Variants in FBXL7 observed in about 807,000 individuals in gnomAD.
FBXL7 encodes F-box/LRR-repeat protein 7.
Under a neutral mutation model 38.3 loss-of-function variants are expected in FBXL7, and 12 were observed. That is an observed-to-expected ratio of 0.31 (90% confidence interval 0.20 to 0.51). FBXL7 has a LOEUF of 0.51. Among genes scored for constraint, FBXL7 ranks in the 20% least tolerant of loss-of-function variants. FBXL7 has a pLI of 0.98. For missense variants in FBXL7, 567 were observed against 676.4 expected, an observed-to-expected ratio of 0.84 and a Z score of 1.79; for synonymous variants, 297 against 300.9, an observed-to-expected ratio of 0.99 and a Z score of 0.13.
chr5:15,916,514 G>C (rs1282525513), intron 2 of FBXL7, among the ~76,000 whole-genome samples: 1 of 152,200 alleles, frequency 6.6e-6, no homozygotes, highest in Admixed American at 6.5e-5. Context: ...GGGAACATCA[G>C]TGTATAAGTT....
At chr5:15,704,471 C>T (rs1743622076) in intron 2 of FBXL7, among the ~76,000 whole-genome samples, 3 of 152,126 alleles carry the variant, frequency 2.0e-5, no homozygotes, top group Admixed American at 2.0e-4. Flanking sequence ...TCAGGTAGAA[C>T]TTTACCATTC....
intron 1 of FBXL7, among the ~76,000 whole-genome samples, chr5:15,584,271 A>G (rs1291331745): frequency 6.6e-6 from 1 of 152,184 alleles, no homozygotes; most frequent in African/African-American, 2.4e-5. Flanking sequence ...TGGGAGGTTA[A>G]TATTTGACTC....
At position 15,614,887 on chromosome 5, in the gene FBXL7, C is replaced by T. The variant is rs560257216; in HGVS notation, c.38-1096C>T. On this transcript the variant is annotated intron_variant, in intron 1 of 3. Coordinates refer to ENST00000504595, the MANE Select transcript of FBXL7 (RefSeq NM_012304.5). The stretch of plus-strand genomic sequence containing the variant: ...TCCAGGCCCTCTTTTAAAGTACTCA[C>T]CTAATTAGGTCAGGCCCACCCAGAA... Among the ~76,000 whole-genome samples the T allele has an allele frequency of 2.2e-3, 340 of 152,288 alleles. 1 individual carries two copies. The highest frequency in any genetic ancestry group is 7.7e-3 in the African/African-American group (321 of 41,572).
chr5:15,607,308 T>G (rs1740058370), intron 1 of FBXL7: 1 of 152,216 alleles, frequency 6.6e-6, no homozygotes, highest in Non-Finnish European at 1.5e-5. Context: ...GTTAGAAGTC[T>G]GCAGCTGTAA....
At chr5:15,536,489 G>A (rs1480405411) in intron 1 of FBXL7, among the ~76,000 whole-genome samples, 3 of 152,218 alleles carry the variant, frequency 2.0e-5, no homozygotes, top group Admixed American at 6.5e-5. Flanking sequence ...GTGTGCCCTG[G>A]ATGTGAGACA....
chr5:15,657,179 G>T (rs1040509175), intron 2 of FBXL7, among the ~76,000 whole-genome samples: 1 of 152,128 alleles, frequency 6.6e-6, no homozygotes, highest in Non-Finnish European at 1.5e-5. Flanking sequence ...ATTTAATGCA[G>T]TTCCAATCAG....
At chr5:15,738,127 G>C (rs1383634169) in intron 2 of FBXL7, among the ~76,000 whole-genome samples, 1 of 152,122 alleles carries the variant, frequency 6.6e-6, no homozygotes, top group African/African-American at 2.4e-5. Context: ...GGCATAGTAT[G>C]ATAATTAACA....
At chr5:15,847,881 CAG>C (rs1430482907) in intron 2 of FBXL7, among the ~76,000 whole-genome samples, 2 of 152,104 alleles carry the variant, frequency 1.3e-5, no homozygotes, top group African/African-American at 2.4e-5. Context: ...AGCAAGAAAA[CAG>C]GGGCTATAGT....
intron 2 of FBXL7, among the ~76,000 whole-genome samples, chr5:15,882,023 A>G (rs1263548892): frequency 6.6e-6 from 1 of 152,114 alleles, no homozygotes; most frequent in Non-Finnish European, 1.5e-5. Flanking sequence ...GAGCAAGAGG[A>G]GGAGTGTTGG....
At chr5:15,799,759 C>T (rs1222866954) in intron 2 of FBXL7, among the ~76,000 whole-genome samples, 1 of 152,130 alleles carries the variant, frequency 6.6e-6, no homozygotes, top group East Asian at 1.9e-4. Flanking sequence ...CAGAGCACTA[C>T]ACGGATTAGC....
At position 15,936,859 on chromosome 5, in the gene FBXL7, G is replaced by A. The variant is rs780770958; in HGVS notation, c.1149G>A (p.Ala383=). Residue 383 remains alanine (A), a synonymous_variant, in exon 4 of 4, where the codon GCG becomes GCA. Coordinates refer to ENST00000504595, the MANE Select transcript of FBXL7 (RefSeq NM_012304.5). The surrounding 1 kb of genome is among the most constrained non-coding windows in gnomAD (Gnocchi z 6.0). Reference sequence around the variant, plus strand: ...GCAGCAAGCTGCGCTACCTCAACGCGAGGGGCTGCGAGGGCATCACGGACC... The same window carrying A: ...GCAGCAAGCTGCGCTACCTCAACGCAAGGGGCTGCGAGGGCATCACGGACC... ...KYCSKLRYLN[A]RGCEGITDHG... is the part of the protein sequence containing the mutation. 1 of 1,613,902 alleles carries A rather than the reference G, an allele frequency of 6.2e-7. No individual in the cohort carries two copies.
chr5:15,580,029 A>G (rs990973052), intron 1 of FBXL7, among the ~76,000 whole-genome samples: 6 of 152,038 alleles, frequency 3.9e-5, no homozygotes, highest in African/African-American at 7.3e-5. Context: ...TGTCCCCCCA[A>G]TTCATGTGTT....
chr5:15,743,755 C>T (rs1735948415), intron 2 of FBXL7, among the ~76,000 whole-genome samples: 1 of 152,252 alleles, frequency 6.6e-6, no homozygotes, highest in Non-Finnish European at 1.5e-5. Context: ...AGGGACCCAC[C>T]TCTGCAGCAG....
chr5:15,812,535 CT>C (rs1737894360), intron 2 of FBXL7, among the ~76,000 whole-genome samples: 1 of 151,960 alleles, frequency 6.6e-6, no homozygotes, highest in South Asian at 2.1e-4. Context: ...TTACTGTAGC[CT>C]TGTAGTATAG....
intron 2 of FBXL7, among the ~76,000 whole-genome samples, chr5:15,779,038 T>C (rs530833505): frequency 2.6e-5 from 4 of 152,230 alleles, no homozygotes; most frequent in Admixed American, 1.3e-4. Flanking sequence ...CTGATAATTG[T>C]CATTACAGTA....
At chr5:15,830,052 CT>C (rs1223152585) in intron 2 of FBXL7, among the ~76,000 whole-genome samples, 1 of 152,156 alleles carries the variant, frequency 6.6e-6, no homozygotes, top group Non-Finnish European at 1.5e-5. Context: ...AGATCTCCCC[CT>C]GTTTCAAACT....
chr5:15,871,231 A>G (rs1739944456), intron 2 of FBXL7, among the ~76,000 whole-genome samples: 1 of 152,346 alleles, frequency 6.6e-6, no homozygotes, highest in East Asian at 1.9e-4. Flanking sequence ...AGGAAAACTA[A>G]CAAACAAAAA....
intron 1 of FBXL7, among the ~76,000 whole-genome samples, chr5:15,552,963 TC>T (rs1231733183): frequency 6.6e-6 from 1 of 151,834 alleles, no homozygotes; most frequent in Admixed American, 6.6e-5. Flanking sequence ...GCACCTATAG[TC>T]CCAGCTACTC....
intron 1 of FBXL7, among the ~76,000 whole-genome samples, chr5:15,572,518 A>G (rs1738825977): frequency 6.6e-6 from 1 of 152,078 alleles, no homozygotes; most frequent in South Asian, 2.1e-4. Context: ...CTGAAATATC[A>G]AGCTGAGGCT....
Sources: gnomAD v4.1 joint callset for allele counts (sites outside exome capture counted in the v4.1 genomes callset) on GRCh38, gnomAD v4.1.1 for gene constraint, Gnocchi (gnomAD v3.1) non-coding constraint, MANE v1.5 for transcripts, NCBI Gene and HGNC (gene_info 2026-07-23, HGNC 2026-07-21) for gene names.